CFAP20DC: variants seen among roughly 807,000 people sequenced by gnomAD.
The protein encoded by CFAP20DC is CFAP20 domain containing, also known as protein CFAP20DC.
CFAP20DC carries 84 observed loss-of-function variants against 101.7 expected under a neutral mutation model. The ratio of observed to expected loss-of-function variants is 0.83; its 90% CI spans 0.69 to 0.99. The LOEUF (loss-of-function observed/expected upper bound fraction) is 0.99, where lower values mean the gene tolerates loss of function less well. CFAP20DC is among the 50% of genes least tolerant of loss of function. The pLI is 0.00. For missense variants in CFAP20DC, 1,007 were observed against 970.3 expected (o/e 1.04, Z -0.50); for synonymous variants, 359 against 351.2 (o/e 1.02, Z -0.25).
Position 59,049,753 on chromosome 3 carries a change from C to T in CFAP20DC, c.-122G>A, listed in dbSNP as rs760058502. On this transcript the variant is annotated 5_prime_UTR_variant, in exon 1 of 17. Coordinates refer to ENST00000482387, the MANE Select transcript of CFAP20DC (RefSeq NM_001394063.1). Reference sequence around the variant, plus strand: ...GAGCCCGACGGGTGGGAAAGGGCTTCGTGCTTGGCCCAGACTTGGGCAGGC... The same window carrying T: ...GAGCCCGACGGGTGGGAAAGGGCTTTGTGCTTGGCCCAGACTTGGGCAGGC... 8.1e-7 allele frequency: 1 copy of T among 1,230,104 alleles called. No individual in the cohort carries two copies. The highest frequency in any genetic ancestry group is 1.1e-6 in the Non-Finnish European group (1 of 892,642). 76.2% of individuals were successfully genotyped at this position (1,230,104 alleles called of 1,614,324 possible).
chr3:58,822,616 C>A (rs1235936580), intron 14 of CFAP20DC, among the ~76,000 whole-genome samples: 1 of 151,888 alleles, frequency 6.6e-6, no homozygotes, highest in East Asian at 1.9e-4. Flanking sequence ...ACAGACTGAT[C>A]CCTTTCCATC....
chr3:58,970,426 C>G (rs918190308), intron 4 of CFAP20DC: 4 of 152,160 alleles, frequency 2.6e-5, no homozygotes, highest in African/African-American at 9.7e-5. Context: ...TGGAGTGATA[C>G]ACCTACAAAC....
chr3:58,896,193 A>G (rs1454252435), intron 6 of CFAP20DC, among the ~76,000 whole-genome samples: 1 of 152,138 alleles, frequency 6.6e-6, no homozygotes, highest in Non-Finnish European at 1.5e-5. Flanking sequence ...AGGTGTTTAT[A>G]CTATTCTCTG....
chr3:58,845,500 C>G (rs1300786682), intron 13 of CFAP20DC, among the ~76,000 whole-genome samples: 1 of 150,218 alleles, frequency 6.7e-6, no homozygotes, highest in Non-Finnish European at 1.5e-5. Flanking sequence ...ATAACAGGAG[C>G]TGAAATTGTG....
intron 15 of CFAP20DC, among the ~76,000 whole-genome samples, chr3:58,779,412 A>T (rs1426979655): frequency 6.6e-6 from 1 of 152,220 alleles, no homozygotes; most frequent in Admixed American, 6.5e-5. Context: ...CTAAAAGAAG[A>T]CAAACAAGGT....
Position 58,859,127 on chromosome 3 carries a change from A to G in CFAP20DC, c.1593+4431T>C, listed in dbSNP as rs2079055403. Reference sequence around the variant, plus strand: ...CTTATAATACATTTTACGAGTTTGTAAACAAATAAAATAAAAGGAAGATAC... The same window carrying G: ...CTTATAATACATTTTACGAGTTTGTGAACAAATAAAATAAAAGGAAGATAC... On this transcript the variant is annotated intron_variant, in intron 12 of 16. Transcript: ENST00000482387. This position sits in a 1 kb window ranked among gnomAD's most constrained non-coding sequence, Gnocchi z 4.1. Among the ~76,000 whole-genome samples, 1 of 152,202 alleles carries G rather than the reference A, an allele frequency of 6.6e-6. No homozygotes were observed. The highest frequency in any genetic ancestry group is 2.1e-4 in the South Asian group (1 of 4,830).
chr3:58,959,781 G>A (rs1035523164), intron 4 of CFAP20DC, among the ~76,000 whole-genome samples: 9 of 151,972 alleles, frequency 5.9e-5, no homozygotes, highest in Non-Finnish European at 1.2e-4. Flanking sequence ...CATCAATTTC[G>A]ACAAAAACAA....
At chr3:58,830,544 A>G (rs1212220935) in intron 14 of CFAP20DC, among the ~76,000 whole-genome samples, 1 of 152,192 alleles carries the variant, frequency 6.6e-6, no homozygotes, top group African/African-American at 2.4e-5. Context: ...GAGACCTGGA[A>G]AAAACTGGCT....
Position 58,937,746 on chromosome 3 carries a change from T to C in CFAP20DC, c.295A>G (p.Asn99Asp). The stretch of plus-strand genomic sequence containing the variant: ...GATAAATATAATCTTCTTTTGATGT[T>C]CCCTAAATCAGTAATTCTGAAAACA... ...STELLITDLG[N>D]IKRRLYLSTV... is the part of the protein sequence containing the mutation. The change falls in exon 5 of 17, where the codon AAC becomes GAC. Residue 99 changes from asparagine (N) to aspartate (D), a missense_variant. Asn to Asp is a conservative substitution (Grantham distance 23). Coordinates refer to ENST00000482387, the MANE Select transcript of CFAP20DC (RefSeq NM_001394063.1). The C allele has an allele frequency of 6.3e-7, 1 of 1,592,872 alleles. No homozygotes were observed. Among genetic ancestry groups the C allele is most frequent in the South Asian group, 1.1e-5 (1 of 90,366 alleles).
rs1293213233 is a variant in CFAP20DC at position 58,847,450 on chromosome 3, A to C, written c.1971+1582T>G. 8.5e-3 allele frequency among the ~76,000 whole-genome samples: 1,275 copies of C among 150,394 alleles called. 11 individuals are homozygous for C. The highest frequency in any genetic ancestry group is 0.03 in the African/African-American group (1,235 of 41,396). ...ATCACTGGCCATCAGAGAAATGCAA[A>C]TCAAAACCACAATGAGATACCATCT... is the stretch of plus-strand genomic sequence containing the variant. On this transcript the variant is annotated intron_variant, in intron 13 of 16. Transcript: ENST00000482387.
At chr3:59,041,126 T>C (rs1699344105) in intron 3 of CFAP20DC, among the ~76,000 whole-genome samples, 2 of 152,198 alleles carry the variant, frequency 1.3e-5, no homozygotes, top group South Asian at 2.1e-4. Context: ...TATTTTTCCA[T>C]TGCACAATGG....
At position 58,761,545 on chromosome 3, in the gene CFAP20DC, G is replaced by T. The variant is rs1009906754; in HGVS notation, c.2238-7682C>A. Among the ~76,000 whole-genome samples, 24 of 152,130 alleles carry T rather than the reference G, an allele frequency of 1.6e-4. 1 individual carries two copies. The highest frequency in any genetic ancestry group is 5.5e-4 in the African/African-American group (23 of 41,470). On this transcript the variant is annotated intron_variant, in intron 15 of 16. Coordinates refer to ENST00000482387, the MANE Select transcript of CFAP20DC (RefSeq NM_001394063.1). ...TTGTGTCTCTATTTCCTTCAGTTCT[G>T]CTCTGATCTTCATTATTTCTTGCCT...
At chr3:58,734,968 A>T (rs2067718596) in intron 3 of CFAP20DC, among the ~76,000 whole-genome samples, 1 of 152,246 alleles carries the variant, frequency 6.6e-6, no homozygotes, top group South Asian at 2.1e-4. Context: ...ACCTTTGCTC[A>T]GATTGAAATA....
intron 13 of CFAP20DC, among the ~76,000 whole-genome samples, chr3:58,839,405 A>G (rs1172434024): frequency 6.6e-6 from 1 of 152,164 alleles, no homozygotes; most frequent in Non-Finnish European, 1.5e-5. Context: ...GATGAAGATA[A>G]GATAAAGTAA....
At chr3:58,958,480 G>A (rs1198237140) in intron 4 of CFAP20DC, among the ~76,000 whole-genome samples, 1 of 152,144 alleles carries the variant, frequency 6.6e-6, no homozygotes, top group African/African-American at 2.4e-5. Context: ...GAATGATGCT[G>A]CTATGAGTAT....
At chr3:58,934,900 A>C (rs1481651048) in intron 5 of CFAP20DC, among the ~76,000 whole-genome samples, 1 of 152,182 alleles carries the variant, frequency 6.6e-6, no homozygotes, top group Non-Finnish European at 1.5e-5. Flanking sequence ...CCTATTCAAC[A>C]TAGTGTTGGA....
At chr3:59,040,688 T>C (rs560155166) in intron 3 of CFAP20DC, among the ~76,000 whole-genome samples, 3 of 152,022 alleles carry the variant, frequency 2.0e-5, no homozygotes, top group Non-Finnish European at 2.9e-5. Context: ...TAACAACACG[T>C]TTTTGGATAG....
At chr3:58,806,320 GA>G in intron 15 of CFAP20DC, 74 bp downstream of exon 15, 1 of 1,050,824 alleles carries the variant, frequency 9.5e-7, no homozygotes, top group Non-Finnish European at 1.5e-6. Context: ...AACAATTTCA[GA>G]AAACCAAGAA....
rs555416124 is a variant in CFAP20DC at position 58,932,212 on chromosome 3, A to G, written c.393+5436T>C. 3.9e-5 allele frequency among the ~76,000 whole-genome samples: 6 copies of G among 152,302 alleles called. No individual in the cohort carries two copies. The East Asian group carries it at 1.2e-3, about 29-fold the overall frequency. ...AATGAATGAAATGAAGTGAGTAGGG[A>G]AGTTTAGAGAAAAAAGAATAAAAAG... On this transcript the variant is annotated intron_variant, in intron 5 of 16. Transcript: ENST00000482387.
Sources: gnomAD v4.1 joint callset for allele counts (sites outside exome capture counted in the v4.1 genomes callset) on GRCh38, gnomAD v4.1.1 for gene constraint, Gnocchi (gnomAD v3.1) non-coding constraint, MANE v1.5 for transcripts, NCBI Gene and HGNC (gene_info 2026-07-23, HGNC 2026-07-21) for gene names.